CMC2: variants seen among roughly 807,000 people sequenced by gnomAD.
CMC2 encodes the protein C-X9-C motif containing 2.
A neutral mutation model predicts 7.5 loss-of-function variants in CMC2; 5 were observed. That is an observed-to-expected ratio of 0.66 (90% CI 0.35 to 1.40). The LOEUF is 1.40. CMC2 is among the 40% of genes most tolerant of loss of function. The probability of loss-of-function intolerance (pLI) is 0.04; values close to 1 mark genes in which losing one functional copy is unlikely to be tolerated. For synonymous variants in CMC2, 37 were observed against 31.4 expected (o/e 1.18, Z -0.60); for missense variants, 115 against 92.3 (o/e 1.25, Z -1.01).
rs1967681919 is a variant in CMC2, at chr16:80,988,125, T to C, written c.82-6248A>G. On this transcript the variant is annotated intron_variant, in intron 2 of 3. Transcript: ENST00000219400. Reference sequence around the variant, plus strand: ...CTTGAGCCCAGGAGTTCAAGGCTGCTGTGAACTTTGATTGTGCCACCGCAC... The same window carrying C: ...CTTGAGCCCAGGAGTTCAAGGCTGCCGTGAACTTTGATTGTGCCACCGCAC... Among the ~76,000 whole-genome samples, 3 of 152,140 alleles carry C rather than the reference T, an allele frequency of 2.0e-5. No homozygotes were observed. The South Asian group carries it at 6.2e-4, about 31-fold the overall frequency.
intron 2 of CMC2, among the ~76,000 whole-genome samples, chr16:80,992,719 T>TTGTG (rs1555516106): frequency 7.4e-6 from 1 of 135,132 alleles, no homozygotes; most frequent in Non-Finnish European, 1.6e-5. Flanking sequence ...TTTTTTTTTT[T>TTGTG]TTTGTGTAAA....
At chr16:80,995,614 G>A (rs1389227545) in intron 2 of CMC2, among the ~76,000 whole-genome samples, 3 of 152,142 alleles carry the variant, frequency 2.0e-5, no homozygotes, top group Admixed American at 6.6e-5. Flanking sequence ...CCAAGATCGC[G>A]CCACTACACT....
At chr16:80,977,900 C>T (rs551090600) in intron 3 of CMC2, among the ~76,000 whole-genome samples, 43 of 152,106 alleles carry the variant, frequency 2.8e-4, no homozygotes, top group African/African-American at 9.6e-4. Flanking sequence ...GGTGAAACCC[C>T]GTCTCTACTG....
chr16:80,979,357 C>T (rs926022211), intron 3 of CMC2, among the ~76,000 whole-genome samples: 11 of 151,928 alleles, frequency 7.2e-5, no homozygotes, highest in African/African-American at 2.4e-4. Context: ...CAAACTCAGA[C>T]AAAATAAGAA....
chr16:80,982,051 AACTGCATGAGTCC>A (rs1162544460), intron 2 of CMC2, among the ~76,000 whole-genome samples, 174 bp from the exon 3 acceptor site: 1 of 152,252 alleles, frequency 6.6e-6, no homozygotes, highest in Non-Finnish European at 1.5e-5. Flanking sequence ...CATGGATTTG[AACTGCATGAGTCC>A]ACTTATACCT....
chr16:80,992,674 C>T, intron 2 of CMC2, among the ~76,000 whole-genome samples: 1 of 143,928 alleles, frequency 6.9e-6, no homozygotes, highest in Non-Finnish European at 1.5e-5. Flanking sequence ...GCTCATTTTT[C>T]TCTCTGATTT....
At chr16:80,985,564 T>A (rs1372193038) in intron 2 of CMC2, among the ~76,000 whole-genome samples, 1 of 152,164 alleles carries the variant, frequency 6.6e-6, no homozygotes, top group East Asian at 1.9e-4. Context: ...TCATTTCTAA[T>A]CCAATAAATA....
chr16:80,997,317 T>G lies in CMC2; in HGVS notation c.78A>C (p.Lys26Asn), dbSNP rs1230454098. 3.8e-6 allele frequency: 6 copies of G among 1,569,518 alleles called. No individual in the cohort carries two copies. In the African/African-American group the frequency reaches 6.8e-5, roughly 18 times the overall value. Residue 26 changes from lysine (K) to asparagine (N), a missense_variant, in exon 2 of 4, where the codon AAA (lysine) becomes AAC (asparagine). Transcript: ENST00000219400. Reference sequence around the variant, plus strand: ...AGTCGTTTTTCTGAACTCTTACATTTTTGTGACATTCCTTAAGCAAGTTAA... The same window carrying G: ...AGTCGTTTTTCTGAACTCTTACATTGTTGTGACATTCCTTAAGCAAGTTAA... ...VLINLLKECH[K>N]NHNILKFFGY...
At chr16:80,986,135 G>A (rs1158843594) in intron 2 of CMC2, among the ~76,000 whole-genome samples, 1 of 152,172 alleles carries the variant, frequency 6.6e-6, no homozygotes, top group East Asian at 1.9e-4. Flanking sequence ...ATCACCTGAG[G>A]TCAGGAGTTT....
At chr16:80,985,483 G>T (rs1328000201) in intron 2 of CMC2, among the ~76,000 whole-genome samples, 1 of 152,096 alleles carries the variant, frequency 6.6e-6, no homozygotes, top group Non-Finnish European at 1.5e-5. Flanking sequence ...ATGCTAACAT[G>T]TCATCTTAAC....
intron 3 of CMC2, among the ~76,000 whole-genome samples, chr16:80,976,549 T>G (rs1397859535): frequency 6.6e-6 from 1 of 152,222 alleles, no homozygotes; most frequent in African/African-American, 2.4e-5. Context: ...ACTAGTCCTC[T>G]AACTTCTGCT....
chr16:80,997,912 A>G (rs1968554764), intron 1 of CMC2: 1 of 152,048 alleles, frequency 6.6e-6, no homozygotes. Context: ...GCTGGCTGAA[A>G]AAAAAACTAA....
intron 1 of CMC2, chr16:80,998,571 G>A (rs1299279231): frequency 6.6e-6 from 1 of 152,016 alleles, no homozygotes; most frequent in Non-Finnish European, 1.5e-5. Flanking sequence ...AGAGATATTT[G>A]AACACCCATG....
intron 2 of CMC2, among the ~76,000 whole-genome samples, chr16:80,993,545 GA>G (rs1761341573): frequency 6.6e-6 from 1 of 152,148 alleles, no homozygotes; most frequent in South Asian, 2.1e-4. Context: ...TAGTCACTAC[GA>G]AGAACAATTA....
chr16:80,997,402 A>G lies in CMC2; in HGVS notation c.-8T>C. 1 of 1,608,114 alleles carries G rather than the reference A, an allele frequency of 6.2e-7. No homozygotes were observed. Among genetic ancestry groups the G allele is most frequent in the Non-Finnish European group, 8.5e-7 (1 of 1,174,814 alleles). ...AGATAAGTCAGGATGCATCTTTAGG[A>G]GATGAGGATGGATCACAGCAGTGCA... is the stretch of plus-strand genomic sequence containing the variant. On this transcript the variant is annotated 5_prime_UTR_variant, in exon 2 of 4. Coordinates refer to ENST00000219400, the MANE Select transcript of CMC2 (RefSeq NM_020188.5).
At chr16:80,979,143 A>G (rs1966910332) in intron 3 of CMC2, among the ~76,000 whole-genome samples, 1 of 152,230 alleles carries the variant, frequency 6.6e-6, no homozygotes, top group African/African-American at 2.4e-5. Context: ...TGAAGCAAAC[A>G]GTAGCAGGAA....
intron 3 of CMC2, chr16:80,978,524 A>G (rs1966870065): frequency 2.2e-6 from 1 of 448,142 alleles, no homozygotes; most frequent in African/African-American, 2.2e-5. Flanking sequence ...AAAACAATTA[A>G]GAGGGACAAA....
intron 3 of CMC2, among the ~76,000 whole-genome samples, chr16:80,979,145 T>C (rs184113633): frequency 9.2e-5 from 14 of 152,024 alleles, no homozygotes; most frequent in African/African-American, 3.1e-4. Context: ...AAGCAAACAG[T>C]AGCAGGAAAG....
chr16:81,006,275 T>C lies in CMC2; in HGVS notation c.-36+459A>G, dbSNP rs946749936. ...TTCTCACATCACAGGGCACTGCAGCTGAGACTTGCTTGAACGGCCCCCGTT... is the reference window on the plus strand; with the variant it reads ...TTCTCACATCACAGGGCACTGCAGCCGAGACTTGCTTGAACGGCCCCCGTT... On this transcript the variant is annotated intron_variant, in intron 1 of 3. Coordinates refer to ENST00000219400, the MANE Select transcript of CMC2 (RefSeq NM_020188.5). Among the ~76,000 whole-genome samples, 4 of 152,328 alleles carry C rather than the reference T, an allele frequency of 2.6e-5. No homozygotes were observed. The East Asian group carries it at 5.8e-4, about 22-fold the overall frequency.
Sources: gnomAD v4.1 joint callset for allele counts (sites outside exome capture counted in the v4.1 genomes callset) on GRCh38, gnomAD v4.1.1 for gene constraint, MANE v1.5 for transcripts, NCBI Gene and HGNC (gene_info 2026-07-23, HGNC 2026-07-21) for gene names.